Variants in IL1RAPL2 observed in about 807,000 individuals in gnomAD.
IL1RAPL2 encodes the protein interleukin 1 receptor accessory protein like 2.
IL1RAPL2 carries 3 observed loss-of-function variants against 44.1 expected under a neutral mutation model. That is an observed-to-expected ratio of 0.07 (90% CI 0.03 to 0.18). IL1RAPL2 has a LOEUF of 0.18. Among genes scored for constraint, IL1RAPL2 ranks in the 10% least tolerant of loss-of-function variants. The pLI, the probability that IL1RAPL2 is intolerant of heterozygous loss-of-function variation, is 1.00. For missense variants in IL1RAPL2, 391 were observed against 496.4 expected (o/e 0.79, Z 2.02); for synonymous variants, 181 against 178.8 (o/e 1.01, Z -0.10).
chrX:105,379,030 G>C (rs1326943877), intron 5 of IL1RAPL2, among the ~76,000 whole-genome samples: 1 of 111,573 alleles, frequency 9.0e-6, no homozygotes, highest in African/African-American at 3.3e-5. Context: ...CAAAGTCCTG[G>C]ATTTAATGAT....
chrX:104,779,891 GA>G (rs892080680), intron 2 of IL1RAPL2, among the ~76,000 whole-genome samples: 8 of 108,574 alleles, frequency 7.4e-5, no homozygotes, highest in Non-Finnish European at 1.3e-4. Context: ...TATAGTACCA[GA>G]AAAAAAAATA....
chrX:105,275,440 T>C (rs1299832293), intron 5 of IL1RAPL2, among the ~76,000 whole-genome samples: 1 of 112,222 alleles, frequency 8.9e-6, no homozygotes, highest in Non-Finnish European at 1.9e-5. Context: ...ATTTAGGTTA[T>C]GATTAGTATC....
chrX:104,954,209 C>G (rs1209032298), intron 2 of IL1RAPL2, among the ~76,000 whole-genome samples: 4 of 112,422 alleles, frequency 3.6e-5, no homozygotes, highest in Non-Finnish European at 7.5e-5. Flanking sequence ...CAGACATTGA[C>G]TCTAGAGAAG....
At chrX:104,752,847 G>A (rs1057000134) in intron 2 of IL1RAPL2, among the ~76,000 whole-genome samples, 1 of 109,841 alleles carries the variant, frequency 9.1e-6, no homozygotes, top group East Asian at 2.9e-4. Context: ...CTTTTTTTGT[G>A]GGGGGAATGC....
At chrX:105,037,351 G>C (rs940679055) in intron 2 of IL1RAPL2, among the ~76,000 whole-genome samples, 4 of 111,138 alleles carry the variant, frequency 3.6e-5, no homozygotes, top group African/African-American at 1.3e-4. Context: ...GGCCTCAACA[G>C]AGTGAAGTAT....
At chrX:104,720,081 A>G (rs2147563053) in intron 2 of IL1RAPL2, among the ~76,000 whole-genome samples, 1 of 112,028 alleles carries the variant, frequency 8.9e-6, no homozygotes, top group African/African-American at 3.2e-5. Flanking sequence ...AAAGATCTCA[A>G]TCTGAGTCCA....
intron 2 of IL1RAPL2, among the ~76,000 whole-genome samples, chrX:104,696,359 G>C (rs1024469037): frequency 8.9e-6 from 1 of 112,087 alleles, no homozygotes; most frequent in Non-Finnish European, 1.9e-5. Context: ...TGCACCCTTA[G>C]TACTCAAAGT....
At chrX:104,940,553 A>G (rs991324288) in intron 2 of IL1RAPL2, among the ~76,000 whole-genome samples, 1 of 110,977 alleles carries the variant, frequency 9.0e-6, no homozygotes, top group African/African-American at 3.3e-5. Flanking sequence ...TGTTAAGGAA[A>G]TGCAGACTAA....
chrX:105,407,542 C>T (rs925414804), intron 5 of IL1RAPL2, among the ~76,000 whole-genome samples: 27 of 111,748 alleles, frequency 2.4e-4, no homozygotes, highest in Middle Eastern at 4.6e-3. Flanking sequence ...GCTTTAGTGA[C>T]GCCTCCCCTC....
chrX:105,048,781 C>T (rs756213049), intron 2 of IL1RAPL2, among the ~76,000 whole-genome samples: 2 of 111,740 alleles, frequency 1.8e-5, no homozygotes, highest in Admixed American at 9.5e-5. Flanking sequence ...ACCGTCAACA[C>T]TAGCAACATG....
chrX:104,826,628 C>T (rs1021640413), intron 2 of IL1RAPL2, among the ~76,000 whole-genome samples: 14 of 111,327 alleles, frequency 1.3e-4, no homozygotes, highest in Non-Finnish European at 2.4e-4. Context: ...TCTATTAGGT[C>T]GGCTTGGTCC....
At chrX:105,377,394 GTA>G (rs1556302456) in intron 5 of IL1RAPL2, among the ~76,000 whole-genome samples, 2 of 108,614 alleles carry the variant, frequency 1.8e-5, no homozygotes, top group African/African-American at 6.7e-5. Flanking sequence ...GTGTGTGTGT[GTA>G]TGTGTGTGTG....
chrX:105,279,096 T>C (rs1441043904), intron 5 of IL1RAPL2, among the ~76,000 whole-genome samples: 1 of 80,736 alleles, frequency 1.2e-5, no homozygotes, highest in Admixed American at 1.3e-4. Context: ...GTAGATCTTG[T>C]AGCACCAATT....
chrX:105,009,434 T>C (rs2031006003), intron 2 of IL1RAPL2, among the ~76,000 whole-genome samples: 1 of 108,484 alleles, frequency 9.2e-6, no homozygotes, highest in Non-Finnish European at 1.9e-5. Context: ...AAAGGATGAG[T>C]TCATGTCCTT....
At chrX:105,334,681 C>A (rs1000232917) in intron 5 of IL1RAPL2, among the ~76,000 whole-genome samples, 1 of 111,179 alleles carries the variant, frequency 9.0e-6, no homozygotes, top group Non-Finnish European at 1.9e-5. Flanking sequence ...TTAAAAAATG[C>A]TCTCCTGGAC....
At chrX:105,623,609 A>G (rs970541651) in intron 6 of IL1RAPL2, among the ~76,000 whole-genome samples, 3 of 111,009 alleles carry the variant, frequency 2.7e-5, no homozygotes, top group African/African-American at 6.5e-5. Context: ...ACATTTATTG[A>G]GCACTACTAC....
intron 6 of IL1RAPL2, among the ~76,000 whole-genome samples, chrX:105,640,654 GTATATATATATATATATA>G (rs768814568): frequency 3.3e-3 from 195 of 59,473 alleles, no homozygotes; most frequent in Middle Eastern, 0.015. Context: ...GTATGTGTGT[GTATATATATATATATATA>G]TATATATATA....
chrX:105,227,159 CATGTATACAT>C (rs2034024372), intron 3 of IL1RAPL2, among the ~76,000 whole-genome samples: 1 of 109,075 alleles, frequency 9.2e-6, no homozygotes, highest in Non-Finnish European at 1.9e-5. Context: ...CAGCATGGCA[CATGTATACAT>C]ATGTAACTAA....
chrX:104,953,955 G>A (rs1409638624), intron 2 of IL1RAPL2, among the ~76,000 whole-genome samples: 1 of 111,630 alleles, frequency 9.0e-6, no homozygotes, highest in African/African-American at 3.3e-5. Flanking sequence ...TAGTGAGGAG[G>A]ATAGAAGTTA....
Sources: allele counts gnomAD v4.1 joint callset (sites outside exome capture counted in the v4.1 genomes callset), GRCh38; gene constraint gnomAD v4.1.1; transcripts MANE v1.5; gene names NCBI Gene and HGNC (gene_info 2026-07-23, HGNC 2026-07-21).